Variants in OLR1 observed in about 807,000 individuals in gnomAD.
The protein encoded by OLR1 is oxidized low density lipoprotein receptor 1, also known as oxidized low-density lipoprotein receptor 1.
A neutral mutation model predicts 31.7 loss-of-function variants in OLR1; 23 were observed. The ratio of observed to expected loss-of-function variants is 0.72; its 90% confidence interval spans 0.52 to 1.03. The LOEUF (loss-of-function observed/expected upper bound fraction) is 1.03. Among genes scored for constraint, OLR1 ranks in the 50% least tolerant of loss-of-function variants. The probability of loss-of-function intolerance (pLI) is 0.00; values close to 1 mark genes in which losing one functional copy is unlikely to be tolerated. For missense variants in OLR1, 286 were observed against 315.7 expected, an observed-to-expected ratio of 0.91 and a Z score of 0.71; for synonymous variants, 117 against 115.8, an observed-to-expected ratio of 1.01 and a Z score of -0.07.
chr12:10,158,315 T>G lies in OLR1; in HGVS notation c.*1565A>C, dbSNP rs1193070257. 1 of 152,226 alleles carries G rather than the reference T, an allele frequency of 6.6e-6. No homozygotes were observed. Among genetic ancestry groups the G allele is most frequent in the Non-Finnish European group, 1.5e-5 (1 of 68,050 alleles). 9.4% of individuals were successfully genotyped at this position (152,226 alleles called of 1,614,324 possible). ...TTCATACAGACTTGTACACAAATGT[T>G]CACAGCAGCTTTATTTGTAATATCC... On this transcript the variant is annotated 3_prime_UTR_variant, in exon 6 of 6. Coordinates refer to ENST00000309539, the MANE Select transcript of OLR1 (RefSeq NM_002543.4).
chr12:10,174,387 G>A (rs1948751198), upstream of OLR1, among the ~76,000 whole-genome samples: 1 of 152,142 alleles, frequency 6.6e-6, no homozygotes, highest in African/African-American at 2.4e-5. Context: ...ACTGGGTCAT[G>A]GGGTTCCCAG....
chr12:10,167,090 C>G (rs1001862107), intron 2 of OLR1, 133 bp from the exon 3 acceptor site: 2 of 816,972 alleles, frequency 2.4e-6, no homozygotes, highest in African/African-American at 3.5e-5. Context: ...CCCAGATTTA[C>G]TCAGAAGTTA....
Position 10,160,889 on chromosome 12 carries a change from T to C in OLR1, c.461A>G (p.Asn154Ser). ...CPQDWIWHGE[N>S]CYLFSSGSFN... ...TGAGCCCGAGGAAAATAGGTAACAG[T>C]TTTCTCCATGCCAGATCCAGTCTTG... Residue 154 changes from asparagine (N) to serine (S), a missense_variant, in exon 4 of 6, where the codon AAC becomes AGC. Coordinates refer to ENST00000309539, the MANE Select transcript of OLR1 (RefSeq NM_002543.4). 4 of 1,614,138 alleles carry C rather than the reference T, an allele frequency of 2.5e-6. No homozygotes were observed. The highest frequency in any genetic ancestry group is 2.5e-6 in the Non-Finnish European group (3 of 1,180,008).
At position 10,159,882 on chromosome 12, in the gene OLR1, A is replaced by G; in HGVS notation, c.820T>C (p.Ter274ArgextTer2). 8 of 1,606,150 alleles carry G rather than the reference A, an allele frequency of 5.0e-6. No homozygotes were observed. Among genetic ancestry groups the G allele is most frequent in the Non-Finnish European group, 6.8e-6 (8 of 1,176,116 alleles). Reference sequence around the variant, plus strand: ...CTTTTCTTCCAGAGCCTTCAAATTCACTGTGCTCTTAGGTTTGCCTTCTTC... The same window carrying G: ...CTTTTCTTCCAGAGCCTTCAAATTCGCTGTGCTCTTAGGTTTGCCTTCTTC... Reference protein sequence around the residue: ...CQKKANLRAQ* With the variant: ...CQKKANLRAQR The change falls in exon 6 of 6, where the codon TGA becomes CGA. Residue 274 changes from the stop codon to arginine (R), a stop_lost. Transcript: ENST00000309539.
intron 3 of OLR1, among the ~76,000 whole-genome samples, chr12:10,161,343 TA>T (rs768255535): frequency 6.6e-6 from 1 of 152,250 alleles, no homozygotes; most frequent in Non-Finnish European, 1.5e-5. Flanking sequence ...GAAACTGATC[TA>T]TTTTTTAAAG....
intron 3 of OLR1, among the ~76,000 whole-genome samples, chr12:10,161,368 A>G (rs1303238228): frequency 1.3e-5 from 2 of 152,224 alleles, no homozygotes; most frequent in Non-Finnish European, 2.9e-5. Flanking sequence ...TGTTGGAAAT[A>G]AAGAAAGTGA....
chr12:10,160,588 T>G (rs1948611999), intron 4 of OLR1, 126 bp from the exon 5 acceptor site: 4 of 978,924 alleles, frequency 4.1e-6, no homozygotes, highest in African/African-American at 1.6e-5. Context: ...CTTGACTGTT[T>G]TACGGAAACA....
upstream of OLR1, chr12:10,172,180 T>A (rs187602041): frequency 8.0e-6 from 6 of 752,278 alleles, no homozygotes; most frequent in Non-Finnish European, 1.4e-5. Context: ...TACTGTTATC[T>A]AATAGAAGAA....
At chr12:10,174,232 T>A (rs1416266495), upstream of OLR1, among the ~76,000 whole-genome samples, 2 of 152,028 alleles carry the variant, frequency 1.3e-5, no homozygotes, top group African/African-American at 4.8e-5. Context: ...GGCTAATTGT[T>A]TTGTATTTTC....
upstream of OLR1, among the ~76,000 whole-genome samples, chr12:10,174,544 G>A (rs918368721): frequency 2.0e-5 from 3 of 152,190 alleles, no homozygotes; most frequent in African/African-American, 7.2e-5. Flanking sequence ...GAATCCCCCA[G>A]CTGTCTATGG....
At chr12:10,161,944 T>TAA (rs869134319) in intron 3 of OLR1, among the ~76,000 whole-genome samples, 25 of 53,172 alleles carry the variant, frequency 4.7e-4, no homozygotes, top group South Asian at 2.3e-3. Flanking sequence ...TATATATATA[T>TAA]AAAAAACACA....
intron 1 of OLR1, among the ~76,000 whole-genome samples, chr12:10,169,686 T>G (rs1171579823): frequency 6.6e-6 from 1 of 152,168 alleles, no homozygotes; most frequent in African/African-American, 2.4e-5. Flanking sequence ...TCAAATAACT[T>G]TATGAATAAT....
In OLR1 at chr12:10,160,426, G is replaced by C; in HGVS notation, c.601C>G (p.Pro201Ala). ...IQQAISYSSF[P>A]FWMGLSRRNP... ...CTCCGAGACAGCCCCATCCAGAATG[G>C]AAAACTGGAATAGGAAATTGCTTGC... Residue 201 changes from proline (P) to alanine (A), a missense_variant, in exon 5 of 6, where the codon CCA becomes GCA. Physicochemically the swap from Pro to Ala is conservative, Grantham distance 27 (BLOSUM62 -1). Transcript: ENST00000309539. The C allele has an allele frequency of 6.2e-7, 1 of 1,613,666 alleles. No homozygotes were observed. The highest frequency in any genetic ancestry group is 2.2e-5 in the East Asian group (1 of 44,900).
At position 10,172,109 on chromosome 12, in the gene OLR1, A is replaced by G. The variant is rs1331271589; in HGVS notation, c.-32T>C. 1 of 1,538,988 alleles carries G rather than the reference A, an allele frequency of 6.5e-7. No homozygotes were observed. The highest frequency in any genetic ancestry group is 2.3e-5 in the East Asian group (1 of 44,434). ...ATTCAAGCTAAGAATGAGAGAGTGA[A>G]GCAGTCACGAACTTCAACAAACTAA... is the stretch of plus-strand genomic sequence containing the variant. On this transcript the variant is annotated 5_prime_UTR_variant, in exon 1 of 6. Transcript: ENST00000309539.
chr12:10,171,976 T>C (rs973122130), intron 1 of OLR1, 26 bp downstream of exon 1: 2 of 1,554,600 alleles, frequency 1.3e-6, no homozygotes, highest in African/African-American at 2.7e-5. Context: ...ATTCTTTCCC[T>C]GTACACATTT....
upstream of OLR1, among the ~76,000 whole-genome samples, chr12:10,173,331 C>T (rs568413917): frequency 6.6e-6 from 1 of 152,038 alleles, no homozygotes; most frequent in African/African-American, 2.4e-5. Flanking sequence ...GAAAAGAATA[C>T]ACAAAGGAAG....
intron 3 of OLR1, among the ~76,000 whole-genome samples, chr12:10,164,507 A>G (rs772005689): frequency 3.3e-5 from 5 of 152,228 alleles, no homozygotes; most frequent in Admixed American, 6.5e-5. Context: ...GGTATCTGTG[A>G]ACTATTATTA....
chr12:10,169,145 C>T lies in OLR1; in HGVS notation c.107G>A (p.Cys36Tyr). 1 of 1,613,948 alleles carries T rather than the reference C, an allele frequency of 6.2e-7. No individual in the cohort carries two copies. Among genetic ancestry groups the T allele is most frequent in the Non-Finnish European group, 8.5e-7 (1 of 1,179,944 alleles). ...GACCCCTAGAGTCGCAGCAGCCAGG[C>T]ACCACCATGGAGAGTAAAGAAACTG... ...GLQFLYSPWW[C>Y]LAAATLGVLC... The change falls in exon 2 of 6, where the codon TGC becomes TAC. Residue 36 changes from cysteine to tyrosine, a missense_variant. Cys to Tyr is a radical substitution (Grantham distance 194). Transcript: ENST00000309539.
At chr12:10,171,921 TA>T in intron 1 of OLR1, 80 bp downstream of exon 1, 3 of 1,053,448 alleles carry the variant, frequency 2.8e-6, no homozygotes, top group Non-Finnish European at 1.5e-6. Flanking sequence ...TTTAGCTTTC[TA>T]ATCCCATTCT....
Sources: gnomAD v4.1 joint callset for allele counts (sites outside exome capture counted in the v4.1 genomes callset) on GRCh38, gnomAD v4.1.1 for gene constraint, MANE v1.5 for transcripts, NCBI Gene and HGNC (gene_info 2026-07-23, HGNC 2026-07-21) for gene names.